The following AGBL4 variants were observed in gnomAD, a reference collection of about 807,000 sequenced individuals.
AGBL4 encodes the protein cytosolic carboxypeptidase 6.
A neutral mutation model predicts 66.4 loss-of-function variants in AGBL4; 58 were observed. That is an observed-to-expected ratio of 0.87 (90% CI 0.71 to 1.09). The LOEUF (loss-of-function observed/expected upper bound fraction) is 1.09. Among genes scored for constraint, AGBL4 ranks in the 50% least tolerant of loss-of-function variants. The pLI is 0.00. For synonymous variants in AGBL4, 234 were observed against 222.9 expected, an observed-to-expected ratio of 1.05 and a Z score of -0.44; for missense variants, 579 against 631.0, an observed-to-expected ratio of 0.92 and a Z score of 0.88.
intron 7 of AGBL4, among the ~76,000 whole-genome samples, chr1:48,657,625 A>G (rs2148448778): frequency 6.6e-6 from 1 of 152,326 alleles, no homozygotes; most frequent in Admixed American, 6.5e-5. Flanking sequence ...GCAGCGGCCA[A>G]GGTTCAGAGA....
At chr1:49,143,490 T>C (rs1023805003) in intron 4 of AGBL4, among the ~76,000 whole-genome samples, 1 of 152,146 alleles carries the variant, frequency 6.6e-6, no homozygotes, top group African/African-American at 2.4e-5. Context: ...ATCAGTTGCA[T>C]TTGGTAAAAA....
At chr1:48,706,577 G>C (rs1384529072) in intron 6 of AGBL4, among the ~76,000 whole-genome samples, 6 of 152,090 alleles carry the variant, frequency 3.9e-5, no homozygotes, top group Admixed American at 3.3e-4. Context: ...CTAATGGAAA[G>C]CTGCAAGTAC....
chr1:49,910,850 T>A (rs941715321), intron 1 of AGBL4, among the ~76,000 whole-genome samples: 1 of 151,834 alleles, frequency 6.6e-6, no homozygotes, highest in Non-Finnish European at 1.5e-5. Context: ...GCGGCATGCG[T>A]CTGTAGTCCC....
At chr1:48,546,808 G>C (rs1295144023) in intron 11 of AGBL4, among the ~76,000 whole-genome samples, 18 of 150,460 alleles carry the variant, frequency 1.2e-4, no homozygotes, top group Admixed American at 1.2e-3. Context: ...ACAAAACCAA[G>C]ACAATGGTTC....
chr1:48,788,283 C>T (rs1645456578), intron 6 of AGBL4, among the ~76,000 whole-genome samples: 1 of 152,224 alleles, frequency 6.6e-6, no homozygotes. Context: ...TTCTATTACT[C>T]TTTCCTTTCA....
At chr1:48,893,050 C>G (rs1651128682) in intron 5 of AGBL4, among the ~76,000 whole-genome samples, 1 of 152,176 alleles carries the variant, frequency 6.6e-6, no homozygotes, top group African/African-American at 2.4e-5. Context: ...CACTTATCTA[C>G]TGTACACTGC....
Position 49,245,819 on chromosome 1 carries a change from A to G in AGBL4, c.328T>C (p.Tyr110His). Residue 110 changes from tyrosine (Y) to histidine (H), a missense_variant, in exon 4 of 14, where the codon TAT becomes CAT. Coordinates refer to ENST00000371839, the MANE Select transcript of AGBL4 (RefSeq NM_032785.4). ...IVNFSKTKSL[Y>H]RDGMAPMVKS... ...ACCATAGGGGCCATCCCATCTCTAT[A>G]GAGACTCTTGGTTTTACTGAAGTTA... The G allele has an allele frequency of 2.6e-6, 4 of 1,549,806 alleles. No homozygotes were observed. The highest frequency in any genetic ancestry group is 1.7e-4 in the Middle Eastern group (1 of 5,976).
chr1:48,729,107 AT>A (rs150746810), intron 6 of AGBL4, among the ~76,000 whole-genome samples: 1 of 150,882 alleles, frequency 6.6e-6, no homozygotes, highest in Non-Finnish European at 1.5e-5. Context: ...ACTACAGAGC[AT>A]TTTTTTTTAA....
At chr1:49,887,870 T>G (rs550497612) in intron 1 of AGBL4, among the ~76,000 whole-genome samples, 1 of 152,172 alleles carries the variant, frequency 6.6e-6, no homozygotes, top group East Asian at 1.9e-4. Context: ...TCAATGATAA[T>G]AAGTGAATAT....
chr1:48,758,824 T>G, intron 6 of AGBL4: 6 of 1,350,314 alleles, frequency 4.4e-6, no homozygotes, highest in Non-Finnish European at 5.9e-6. Flanking sequence ...CCCTCTCCCC[T>G]TTCCCTTCCT....
chr1:49,714,729 A>G (rs1647960692), intron 2 of AGBL4, among the ~76,000 whole-genome samples: 1 of 151,812 alleles, frequency 6.6e-6, no homozygotes, highest in African/African-American at 2.4e-5. Flanking sequence ...TAATGCTGCA[A>G]TAAACATACA....
At chr1:48,640,431 C>A (rs543875759) in intron 8 of AGBL4, among the ~76,000 whole-genome samples, 3 of 152,252 alleles carry the variant, frequency 2.0e-5, no homozygotes, top group African/African-American at 7.2e-5. Context: ...AACAGATTAA[C>A]AAAAGCATGG....
At chr1:49,939,464 T>C (rs1256893023) in intron 1 of AGBL4, among the ~76,000 whole-genome samples, 5 of 152,166 alleles carry the variant, frequency 3.3e-5, no homozygotes, top group South Asian at 4.1e-4. Flanking sequence ...ACTACAAGGC[T>C]ACAGTAACCA....
chr1:49,654,998 A>G (rs1258164509), intron 3 of AGBL4, among the ~76,000 whole-genome samples: 1 of 152,130 alleles, frequency 6.6e-6, no homozygotes, highest in East Asian at 1.9e-4. Flanking sequence ...TTGTTAGCTG[A>G]TGCAATTTCT....
intron 6 of AGBL4, among the ~76,000 whole-genome samples, chr1:48,835,607 G>C (rs1646653639): frequency 6.6e-6 from 1 of 152,108 alleles, no homozygotes. Context: ...GAATGTTACA[G>C]TAAAATGGAA....
At chr1:48,832,197 T>TG (rs779936476) in intron 6 of AGBL4, among the ~76,000 whole-genome samples, 1 of 152,174 alleles carries the variant, frequency 6.6e-6, no homozygotes, top group Non-Finnish European at 1.5e-5. Context: ...GGGGAAACAC[T>TG]GGAAAATGCT....
intron 3 of AGBL4, among the ~76,000 whole-genome samples, chr1:49,500,770 G>A (rs1395341983): frequency 6.6e-6 from 1 of 151,982 alleles, no homozygotes; most frequent in Non-Finnish European, 1.5e-5. Context: ...ATGCTGTTTT[G>A]GTAACTATTG....
chr1:48,985,394 T>C (rs1054204338), intron 5 of AGBL4, among the ~76,000 whole-genome samples: 2 of 152,022 alleles, frequency 1.3e-5, no homozygotes, highest in African/African-American at 4.8e-5. Flanking sequence ...GAGTATTCAG[T>C]AGAGTACTGA....
chr1:49,323,431 G>A (rs1223671778), intron 3 of AGBL4, among the ~76,000 whole-genome samples: 2 of 149,364 alleles, frequency 1.3e-5, no homozygotes, highest in Admixed American at 6.7e-5. Context: ...ACAGGCGCAC[G>A]CCGCCATGCC....
Sources: gnomAD v4.1 joint callset for allele counts (sites outside exome capture counted in the v4.1 genomes callset) on GRCh38, gnomAD v4.1.1 for gene constraint, MANE v1.5 for transcripts, NCBI Gene and HGNC (gene_info 2026-07-23, HGNC 2026-07-21) for gene names.